The following FGFR2 variants were observed in gnomAD, a reference collection of about 807,000 sequenced individuals.
FGFR2 encodes the protein BEK fibroblast growth factor receptor.
FGFR2 carries 19 observed loss-of-function variants against 95.9 expected under a neutral mutation model. The ratio of observed to expected loss-of-function variants is 0.20; its 90% confidence interval spans 0.14 to 0.29. The LOEUF is 0.29. FGFR2 is among the 10% of genes least tolerant of loss of function. The pLI is 1.00. For synonymous variants in FGFR2, 392 were observed against 393.3 expected (o/e 1.00, Z 0.04); for missense variants, 707 against 1,056.9 (o/e 0.67, Z 4.59).
At chr10:121,563,548 T>C (rs988216639) in intron 4 of FGFR2, among the ~76,000 whole-genome samples, 3 of 152,194 alleles carry the variant, frequency 2.0e-5, no homozygotes, top group Non-Finnish European at 2.9e-5. Context: ...AGCCAAGTCA[T>C]TGGAAAATGC....
At chr10:121,514,074 C>A (rs1180836577) in intron 9 of FGFR2, among the ~76,000 whole-genome samples, 1 of 152,080 alleles carries the variant, frequency 6.6e-6, no homozygotes, top group Non-Finnish European at 1.5e-5. Flanking sequence ...AGATTCCTGG[C>A]CCTATCCAAG....
In FGFR2 at chr10:121,593,980, G is replaced by C; in HGVS notation, c.-150-13C>G. Reference sequence around the variant, plus strand: ...GCTGCTGCAGTCACTAAAGGAAAGAGATTGGCGAGTCAGGGAATCTTCCCC... The same window carrying C: ...GCTGCTGCAGTCACTAAAGGAAAGACATTGGCGAGTCAGGGAATCTTCCCC... On this transcript the variant is annotated splice_polypyrimidine_tract_variant and intron_variant, in intron 1 of 17. Transcript: ENST00000358487. 1 of 718,000 alleles carries C rather than the reference G, an allele frequency of 1.4e-6. No individual in the cohort carries two copies. The highest frequency in any genetic ancestry group is 2.5e-6 in the Non-Finnish European group (1 of 397,540). 44.5% of individuals were successfully genotyped at this position (718,000 alleles called of 1,614,324 possible).
In FGFR2 at chr10:121,518,022, A is replaced by G; in HGVS notation, c.940-559T>C. On this transcript the variant is annotated intron_variant, in intron 7 of 17. Transcript: ENST00000358487. This position sits in a 1 kb window ranked among gnomAD's most constrained non-coding sequence, Gnocchi z 4.0. ...CCATCTTGCCCTACATAGCATTGAC[A>G]AAAAGAAATGGAAGCAAGCATCATC... 2.0e-6 allele frequency: 1 copy of G among 492,546 alleles called. No individual in the cohort carries two copies. Among genetic ancestry groups the G allele is most frequent in the South Asian group, 1.5e-5 (1 of 65,358 alleles). 30.5% of individuals were successfully genotyped at this position (492,546 alleles called of 1,614,324 possible).
chr10:121,589,882 C>G (rs1266331423), intron 2 of FGFR2, among the ~76,000 whole-genome samples: 3 of 152,176 alleles, frequency 2.0e-5, no homozygotes, highest in Non-Finnish European at 4.4e-5. Context: ...TAATACGAAA[C>G]AGAAGATTAT....
intron 2 of FGFR2, among the ~76,000 whole-genome samples, chr10:121,586,509 T>C (rs1388954105): frequency 2.0e-5 from 3 of 152,212 alleles, no homozygotes; most frequent in Non-Finnish European, 2.9e-5. Context: ...TCAGAAGTTT[T>C]TGAGAGTGGC....
Position 121,517,567 on chromosome 10 carries a change from T to A in FGFR2, c.940-104A>T. The A allele has an allele frequency of 7.3e-7, 1 of 1,369,176 alleles. No individual in the cohort carries two copies. The highest frequency in any genetic ancestry group is 1.4e-5 in the African/African-American group (1 of 70,244). The allele number at this position is 1,369,176 out of a possible 1,614,324, so 84.8% of individuals were successfully genotyped here. On this transcript the variant is annotated intron_variant, in intron 7 of 17. Coordinates refer to ENST00000358487, the MANE Select transcript of FGFR2 (RefSeq NM_000141.5). The surrounding 1 kb of genome is among the most constrained non-coding windows in gnomAD (Gnocchi z 4.7). ...TCGCACCGGGGGCTTCAGGGGGTGCTGGCCACTGGGAGATTCCGACTGCAG... is the reference window on the plus strand; with the variant it reads ...TCGCACCGGGGGCTTCAGGGGGTGCAGGCCACTGGGAGATTCCGACTGCAG...
intron 9 of FGFR2, among the ~76,000 whole-genome samples, chr10:121,513,105 C>G (rs1417410874): frequency 6.6e-6 from 1 of 152,114 alleles, no homozygotes; most frequent in East Asian, 1.9e-4. Context: ...AACTCCTGAC[C>G]TCGGGTGATC....
In FGFR2 at chr10:121,479,832, T is replaced by A. The variant is rs764198102; in HGVS notation, c.*25A>T. 90 of 1,613,926 alleles carry A rather than the reference T, an allele frequency of 5.6e-5. No individual in the cohort carries two copies. The highest frequency in any genetic ancestry group is 7.2e-5 in the Non-Finnish European group (85 of 1,179,920). Reference sequence around the variant, plus strand: ...TAGCTAGGTTCCCAGTGCTGTCCTGTTTGGGGACAGGCAGACACAGTCATT... The same window carrying A: ...TAGCTAGGTTCCCAGTGCTGTCCTGATTGGGGACAGGCAGACACAGTCATT... On this transcript the variant is annotated 3_prime_UTR_variant, in exon 18 of 18. Coordinates refer to ENST00000358487, the MANE Select transcript of FGFR2 (RefSeq NM_000141.5).
intron 5 of FGFR2, among the ~76,000 whole-genome samples, chr10:121,544,556 A>G (rs1333458372): frequency 6.6e-6 from 1 of 152,158 alleles, no homozygotes; most frequent in African/African-American, 2.4e-5. Context: ...TGTTAAGTGA[A>G]ATAAGCCAGA....
At chr10:121,503,735 AT>A (rs1292393181) in intron 10 of FGFR2, 54 bp downstream of exon 10, 3 of 1,598,988 alleles carry the variant, frequency 1.9e-6, no homozygotes, top group Non-Finnish European at 2.6e-6. Flanking sequence ...TTAATCCAAT[AT>A]CCCCATTTAT....
chr10:121,561,425 C>CAAA (rs58049520), intron 4 of FGFR2, among the ~76,000 whole-genome samples: 3 of 66,274 alleles, frequency 4.5e-5, no homozygotes, highest in Admixed American at 1.8e-4. Flanking sequence ...ACTCCCATCT[C>CAAA]AAAAAAAAAA....
chr10:121,524,101 TACACAC>T (rs61527395), intron 6 of FGFR2, among the ~76,000 whole-genome samples: 2,182 of 89,208 alleles, frequency 0.024, 65 homozygotes, highest in African/African-American at 0.074. Flanking sequence ...CGGCTATGTA[TACACAC>T]ACACACACAC....
At chr10:121,500,794 C>G (rs1459559743) in intron 11 of FGFR2, 32 bp downstream of exon 11, 1 of 1,612,050 alleles carries the variant, frequency 6.2e-7, no homozygotes, top group Non-Finnish European at 8.5e-7. Context: ...CTCCACCCAG[C>G]CCCTCCCCGA....
rs532964975 is a variant in FGFR2 at position 121,520,012 on chromosome 10, C to A, written c.906G>T (p.Gly302=). Residue 302 remains glycine (G), a synonymous_variant, in exon 7 of 18, where the codon GGG becomes GGT. Transcript: ENST00000358487. ...CCTTGAGGTAGGGCAGCCCGTCGGGCCCGTATTTACTGCCGTTCTTTTCCA... is the reference window on the plus strand; with the variant it reads ...CCTTGAGGTAGGGCAGCCCGTCGGGACCGTATTTACTGCCGTTCTTTTCCA... ...KHVEKNGSKY[G]PDGLPYLKVL... is the part of the protein sequence containing the mutation. 10 of 1,614,204 alleles carry A rather than the reference C, an allele frequency of 6.2e-6. No individual in the cohort carries two copies. The South Asian group carries it at 1.1e-4, about 18-fold the overall frequency.
intron 2 of FGFR2, among the ~76,000 whole-genome samples, chr10:121,571,305 T>C (rs1279928204): frequency 4.2e-4 from 55 of 130,418 alleles, no homozygotes; most frequent in Non-Finnish European, 7.0e-4. Context: ...TTTTTTTTTT[T>C]TTTTTTTTTT....
At chr10:121,573,169 T>C (rs921896216) in intron 2 of FGFR2, among the ~76,000 whole-genome samples, 2 of 152,246 alleles carry the variant, frequency 1.3e-5, no homozygotes, top group Non-Finnish European at 2.9e-5. Flanking sequence ...CGTGTGGTTT[T>C]TGAAATGGCG....
At chr10:121,567,848 C>CT (rs1857932481) in intron 2 of FGFR2, among the ~76,000 whole-genome samples, 1 of 152,232 alleles carries the variant, frequency 6.6e-6, no homozygotes, top group African/African-American at 2.4e-5. Context: ...ACCCTGTGGC[C>CT]TGCAAGCCCT....
At chr10:121,565,726 A>C in intron 2 of FGFR2, 22 bp from the exon 3 acceptor site, 1 of 1,614,092 alleles carries the variant, frequency 6.2e-7, no homozygotes, top group South Asian at 1.1e-5. Flanking sequence ...TGGGAGAGAG[A>C]AGACGGAGAC....
chr10:121,591,607 C>G (rs1473611044), intron 2 of FGFR2, among the ~76,000 whole-genome samples: 2 of 152,212 alleles, frequency 1.3e-5, no homozygotes, highest in Middle Eastern at 3.2e-3. Flanking sequence ...AGGCCTGGGA[C>G]TTGTATACTT....
Sources: gnomAD v4.1 joint callset for allele counts (sites outside exome capture counted in the v4.1 genomes callset) on GRCh38, gnomAD v4.1.1 for gene constraint, Gnocchi (gnomAD v3.1) non-coding constraint, MANE v1.5 for transcripts, NCBI Gene and HGNC (gene_info 2026-07-23, HGNC 2026-07-21) for gene names.